Variants in SPAG16 observed in about 807,000 individuals in gnomAD.
The protein encoded by SPAG16 is sperm-associated antigen 16 protein.
Under a neutral mutation model 80.4 loss-of-function variants are expected in SPAG16, and 86 were observed. That is an observed-to-expected ratio of 1.07 (90% CI 0.90 to 1.28). SPAG16 has a LOEUF of 1.28. SPAG16 is among the 50% of genes most tolerant of loss of function. SPAG16 has a pLI of 0.00. For missense variants in SPAG16, 870 were observed against 765.3 expected (o/e 1.14, Z -1.61); for synonymous variants, 294 against 265.9 (o/e 1.11, Z -1.03).
Position 213,492,291 on chromosome 2 carries a change from C to T in SPAG16, c.1070+2201C>T, listed in dbSNP as rs547531033. ...ACCAGTGGCCGGGTGTGGTGGCTCA[C>T]GCCTGTAATCCCAGCACTTTGGGAG... On this transcript the variant is annotated intron_variant, in intron 10 of 15. Coordinates refer to ENST00000331683, the MANE Select transcript of SPAG16 (RefSeq NM_024532.5). 5.9e-5 allele frequency among the ~76,000 whole-genome samples: 9 copies of T among 152,296 alleles called. 1 individual carries two copies. The South Asian group carries it at 1.2e-3, about 21-fold the overall frequency.
intron 14 of SPAG16, among the ~76,000 whole-genome samples, chr2:214,113,082 A>C (rs1267700502): frequency 6.6e-6 from 1 of 152,112 alleles, no homozygotes; most frequent in African/African-American, 2.4e-5. Context: ...TCATTTATGA[A>C]GCTTTGTTTG....
At chr2:213,712,577 T>A (rs2066048331) in intron 10 of SPAG16, among the ~76,000 whole-genome samples, 1 of 152,158 alleles carries the variant, frequency 6.6e-6, no homozygotes, top group Non-Finnish European at 1.5e-5. Flanking sequence ...AAAATTCATT[T>A]GAATCTGGTA....
At chr2:213,657,034 A>C (rs2063247541) in intron 10 of SPAG16, among the ~76,000 whole-genome samples, 1 of 152,184 alleles carries the variant, frequency 6.6e-6, no homozygotes, top group African/African-American at 2.4e-5. Flanking sequence ...TATTTCACTG[A>C]AATTTCCAAG....
At chr2:213,682,162 A>G in intron 10 of SPAG16, among the ~76,000 whole-genome samples, 1 of 152,114 alleles carries the variant, frequency 6.6e-6, no homozygotes, top group East Asian at 1.9e-4. Context: ...CTATCTTTCT[A>G]TGTATCTGCC....
chr2:213,711,355 A>G (rs536827090), intron 10 of SPAG16, among the ~76,000 whole-genome samples: 1 of 152,266 alleles, frequency 6.6e-6, no homozygotes, highest in Admixed American at 6.5e-5. Flanking sequence ...TATTTTTACT[A>G]CAAAAGTTAT....
chr2:213,340,359 T>C, intron 6 of SPAG16, 89 bp downstream of exon 6: 1 of 916,308 alleles, frequency 1.1e-6, no homozygotes, highest in Non-Finnish European at 1.7e-6. Context: ...GACAAAGTTA[T>C]TAATTCCACG....
chr2:214,122,845 T>C (rs1226907737), intron 14 of SPAG16, among the ~76,000 whole-genome samples: 1 of 151,892 alleles, frequency 6.6e-6, no homozygotes, highest in East Asian at 1.9e-4. Context: ...TCCAAGGAAA[T>C]TGGAAACAAC....
intron 11 of SPAG16, among the ~76,000 whole-genome samples, chr2:213,889,518 T>G (rs986884880): frequency 3.3e-5 from 5 of 151,580 alleles, no homozygotes; most frequent in African/African-American, 1.2e-4. Flanking sequence ...ATATATCTGT[T>G]CTTCTTTGTT....
At chr2:213,743,183 G>A (rs2067661159) in intron 10 of SPAG16, among the ~76,000 whole-genome samples, 2 of 152,196 alleles carry the variant, frequency 1.3e-5, no homozygotes, top group Non-Finnish European at 1.5e-5. Flanking sequence ...GATTACAGGC[G>A]TGAGCCACCG....
chr2:214,291,303 T>TTC (rs1205559689), intron 15 of SPAG16, among the ~76,000 whole-genome samples: 1 of 115,890 alleles, frequency 8.6e-6, no homozygotes, highest in African/African-American at 3.6e-5. Context: ...CATGTTTCTT[T>TTC]TTTTTTTTTT....
At chr2:213,993,251 G>A (rs2046366585) in intron 12 of SPAG16, among the ~76,000 whole-genome samples, 1 of 152,176 alleles carries the variant, frequency 6.6e-6, no homozygotes, top group Non-Finnish European at 1.5e-5. Context: ...TTGATTGCCT[G>A]ACATAATTCA....
intron 14 of SPAG16, among the ~76,000 whole-genome samples, chr2:214,138,905 G>A (rs1341515922): frequency 6.6e-6 from 1 of 152,066 alleles, no homozygotes; most frequent in African/African-American, 2.4e-5. Context: ...TACAGTGTAG[G>A]AAATGAGAGG....
chr2:213,681,477 C>T (rs754970328), intron 10 of SPAG16, among the ~76,000 whole-genome samples: 3 of 152,134 alleles, frequency 2.0e-5, no homozygotes, highest in Non-Finnish European at 2.9e-5. Flanking sequence ...ACAACTCTTT[C>T]TATGCTTTCC....
chr2:213,338,440 T>C (rs1370852064), intron 5 of SPAG16, among the ~76,000 whole-genome samples: 1 of 152,118 alleles, frequency 6.6e-6, no homozygotes, highest in Non-Finnish European at 1.5e-5. Flanking sequence ...AGAGGCAAGA[T>C]TCATTGGTGT....
At chr2:214,315,172 A>T (rs34119801) in intron 15 of SPAG16, among the ~76,000 whole-genome samples, 101 of 152,234 alleles carry the variant, frequency 6.6e-4, no homozygotes, top group Non-Finnish European at 1.1e-3. Context: ...GCAGTCAGGG[A>T]ACAGGAAGAC....
chr2:214,000,201 G>C (rs1289312971), intron 12 of SPAG16, among the ~76,000 whole-genome samples: 1 of 152,150 alleles, frequency 6.6e-6, no homozygotes, highest in Non-Finnish European at 1.5e-5. Flanking sequence ...ATTTCTACTT[G>C]TTGTGGGTGG....
chr2:213,455,226 T>C (rs2071929731), intron 9 of SPAG16, among the ~76,000 whole-genome samples: 1 of 152,204 alleles, frequency 6.6e-6, no homozygotes. Context: ...AAGTTTTACC[T>C]GAGGAAAAAG....
At chr2:214,143,234 G>GTTTTTTTT (rs59910884) in intron 14 of SPAG16, among the ~76,000 whole-genome samples, 5 of 112,668 alleles carry the variant, frequency 4.4e-5, no homozygotes, top group Admixed American at 9.6e-5. Context: ...ATAGTTTTGG[G>GTTTTTTTT]TTTTTTTTTT....
At position 214,181,034 on chromosome 2, in the gene SPAG16, A is replaced by G. The variant is rs570692274; in HGVS notation, c.1720+31768A>G. 4.6e-5 allele frequency among the ~76,000 whole-genome samples: 7 copies of G among 151,936 alleles called. No homozygotes were observed. The East Asian group carries it at 1.4e-3, about 29-fold the overall frequency. ...TATTATGTACCATCCAAAAGTAAAC[A>G]AGACTTCTGGGTAATTTTACTTAGC... is the stretch of plus-strand genomic sequence containing the variant. On this transcript the variant is annotated intron_variant, in intron 15 of 15. Transcript: ENST00000331683.
Sources: allele counts gnomAD v4.1 joint callset (sites outside exome capture counted in the v4.1 genomes callset), GRCh38; gene constraint gnomAD v4.1.1; transcripts MANE v1.5; gene names NCBI Gene and HGNC (gene_info 2026-07-23, HGNC 2026-07-21).